The following GASK1A variants were observed in gnomAD, a reference collection of about 807,000 sequenced individuals.
GASK1A encodes Golgi-associated kinase 1A.
Under a neutral mutation model 41.2 loss-of-function variants are expected in GASK1A, and 40 were observed. That is an observed-to-expected ratio of 0.97 (90% confidence interval 0.75 to 1.27). The LOEUF is 1.27. GASK1A is among the 50% of genes most tolerant of loss of function. The pLI is 0.00. For synonymous variants in GASK1A, 316 were observed against 307.1 expected, an observed-to-expected ratio of 1.03 and a Z score of -0.30; for missense variants, 678 against 745.1, an observed-to-expected ratio of 0.91 and a Z score of 1.05.
chr3:43,014,493 G>T (rs2089480194), intron 1 of GASK1A, among the ~76,000 whole-genome samples: 1 of 151,330 alleles, frequency 6.6e-6, no homozygotes, highest in Non-Finnish European at 1.5e-5. Flanking sequence ...GTAGTGTGAA[G>T]CCAAAAGGAG....
intron 1 of GASK1A, among the ~76,000 whole-genome samples, chr3:43,011,815 A>G (rs551724735): frequency 2.4e-3 from 352 of 149,308 alleles, no homozygotes; most frequent in Non-Finnish European, 4.3e-3. Flanking sequence ...CAGGGTCAGT[A>G]TGAAGCCACA....
At chr3:42,990,499 T>C (rs1036947392) in intron 1 of GASK1A, among the ~76,000 whole-genome samples, 7 of 152,156 alleles carry the variant, frequency 4.6e-5, no homozygotes, top group Non-Finnish European at 8.8e-5. Context: ...CCACATTTAC[T>C]AAGTTTTTTT....
At chr3:43,037,856 G>T (rs1269417883) in intron 2 of GASK1A, among the ~76,000 whole-genome samples, 2 of 152,028 alleles carry the variant, frequency 1.3e-5, no homozygotes, top group East Asian at 3.9e-4. Context: ...CATTATATTT[G>T]ATTTTGCATT....
At chr3:43,042,704 G>A (rs1187953388) in intron 2 of GASK1A, among the ~76,000 whole-genome samples, 2 of 152,064 alleles carry the variant, frequency 1.3e-5, no homozygotes, top group African/African-American at 2.4e-5. Context: ...TGGGTTTTGC[G>A]TTGATGTTTA....
intron 1 of GASK1A, among the ~76,000 whole-genome samples, chr3:43,022,100 A>C (rs1473043405): frequency 6.6e-6 from 1 of 152,260 alleles, no homozygotes; most frequent in Admixed American, 6.5e-5. Context: ...CTGCAATGGC[A>C]GGGTCAGTTT....
At chr3:43,041,480 G>A (rs1310496110) in intron 2 of GASK1A, among the ~76,000 whole-genome samples, 3 of 152,202 alleles carry the variant, frequency 2.0e-5, no homozygotes, top group Non-Finnish European at 4.4e-5. Context: ...GGCCAGTGAT[G>A]GTGAGCATTT....
chr3:43,009,710 CAAACTCA>C (rs2089454386), intron 1 of GASK1A, among the ~76,000 whole-genome samples: 1 of 152,218 alleles, frequency 6.6e-6, no homozygotes, highest in African/African-American at 2.4e-5. Flanking sequence ...AAACATGTAA[CAAACTCA>C]TGGTGTCATC....
intron 1 of GASK1A, among the ~76,000 whole-genome samples, chr3:43,026,155 G>T (rs934067323): frequency 1.3e-5 from 2 of 152,210 alleles, no homozygotes. Flanking sequence ...CAAGTTTAGT[G>T]GCTCAGAGGA....
chr3:43,025,197 C>T (rs1392258677), intron 1 of GASK1A, among the ~76,000 whole-genome samples: 2 of 152,090 alleles, frequency 1.3e-5, no homozygotes, highest in Non-Finnish European at 2.9e-5. Context: ...GGCTGTTGCA[C>T]GTGTCCTGGT....
chr3:43,020,731 G>A (rs2089517019), intron 1 of GASK1A, among the ~76,000 whole-genome samples: 1 of 152,362 alleles, frequency 6.6e-6, no homozygotes, highest in Middle Eastern at 3.4e-3. Flanking sequence ...CAGGCTGGAG[G>A]TTGAGTTCAG....
intron 1 of GASK1A, among the ~76,000 whole-genome samples, chr3:43,003,074 A>G (rs527643521): frequency 6.6e-6 from 1 of 152,340 alleles, no homozygotes; most frequent in Admixed American, 6.5e-5. Context: ...ATTGATCTCA[A>G]TCTTGGTGAT....
chr3:42,993,386 G>A (rs956293825), intron 1 of GASK1A, among the ~76,000 whole-genome samples: 2 of 152,206 alleles, frequency 1.3e-5, no homozygotes, highest in Non-Finnish European at 2.9e-5. Flanking sequence ...TGCTTTGAAA[G>A]TGCATTTGTT....
rs142295421 is a variant in GASK1A, at chr3:42,983,643, G to A, written c.3+3998G>A. Among the ~76,000 whole-genome samples the A allele has an allele frequency of 3.7e-3, 559 of 152,248 alleles. 1 individual carries two copies. The highest frequency in any genetic ancestry group is 0.013 in the African/African-American group (520 of 41,536). On this transcript the variant is annotated intron_variant, in intron 1 of 4. Transcript: ENST00000430121. ...TGAGTCCCTCTGCACTGAATGAGTC[G>A]CAGAAGTCATCAGGCTTAGCTAAAG...
At position 43,032,554 on chromosome 3, in the gene GASK1A, T is replaced by TGTGCTG. The variant is rs1362710375; in HGVS notation, c.291_292insGTGCTG (p.His97_Arg98insValLeu). 5.2e-5 allele frequency: 80 copies of TGTGCTG among 1,549,240 alleles called. No individual in the cohort carries two copies. The highest frequency in any genetic ancestry group is 6.6e-5 in the Non-Finnish European group (76 of 1,145,074). On this transcript the variant is annotated inframe_insertion, in exon 2 of 5. Transcript: ENST00000430121. ...TGGTCTGTGCTGAGGAGCAAGGCCATAGAGCAAGAGTGGACAGAAGCAGGG... is the reference window on the plus strand; with the variant it reads ...TGGTCTGTGCTGAGGAGCAAGGCCATGTGCTGAGAGCAAGAGTGGACAGAAGCAGGG...
rs955558812 is a variant in GASK1A, at chr3:42,979,356, C to T, written c.-287C>T. ...GTCCCGAGTAGACCGCAGAGGCTCGCGGCCGCGGGTAGGCTCCCTCAGATC... is the reference window on the plus strand; with the variant it reads ...GTCCCGAGTAGACCGCAGAGGCTCGTGGCCGCGGGTAGGCTCCCTCAGATC... On this transcript the variant is annotated 5_prime_UTR_variant, in exon 1 of 5. Coordinates refer to ENST00000430121, the MANE Select transcript of GASK1A (RefSeq NM_001129908.3). 3.2e-5 allele frequency: 12 copies of T among 376,586 alleles called. No individual in the cohort carries two copies. Among genetic ancestry groups the T allele is most frequent in the South Asian group, 1.5e-4 (1 of 6,822 alleles). 23.3% of individuals were successfully genotyped at this position (376,586 alleles called of 1,614,324 possible). A position where few individuals can be genotyped will look rare whatever the true frequency, so the allele number is the denominator to read the frequency against.
chr3:43,013,438 A>G (rs914028783), intron 1 of GASK1A, among the ~76,000 whole-genome samples: 6 of 151,240 alleles, frequency 4.0e-5, no homozygotes, highest in African/African-American at 1.5e-4. Context: ...GGCAGTAGGA[A>G]GTTACAAGAA....
intron 1 of GASK1A, among the ~76,000 whole-genome samples, chr3:42,999,020 C>T (rs955857198): frequency 1.3e-5 from 2 of 151,908 alleles, no homozygotes; most frequent in African/African-American, 4.8e-5. Context: ...TACACGTGTA[C>T]ATATCAGTGT....
At chr3:42,989,267 G>A (rs1230887338) in intron 1 of GASK1A, among the ~76,000 whole-genome samples, 4 of 152,278 alleles carry the variant, frequency 2.6e-5, no homozygotes, top group East Asian at 1.9e-4. Context: ...CCTGGGAAAA[G>A]GTGCATTAAT....
At position 43,056,460 on chromosome 3, in the gene GASK1A, C is replaced by A; in HGVS notation, c.*74C>A. On this transcript the variant is annotated 3_prime_UTR_variant, in exon 5 of 5. Transcript: ENST00000430121. ...TTCTTGGGCTCACTCATCTTGAGGA[C>A]AAATGGGAAAAGCCAGAAGCCAGAG... is the stretch of plus-strand genomic sequence containing the variant. 7.5e-7 allele frequency: 1 copy of A among 1,336,142 alleles called. No homozygotes were observed. The allele number at this position is 1,336,142 out of a possible 1,614,324, so 82.8% of individuals were successfully genotyped here. A position where few individuals can be genotyped will look rare whatever the true frequency, so the allele number is the denominator to read the frequency against.
Sources: allele counts gnomAD v4.1 joint callset (sites outside exome capture counted in the v4.1 genomes callset), GRCh38; gene constraint gnomAD v4.1.1; transcripts MANE v1.5; gene names NCBI Gene and HGNC (gene_info 2026-07-23, HGNC 2026-07-21).